The following CATSPERE variants were observed in gnomAD, a reference collection of about 807,000 sequenced individuals.
The protein encoded by CATSPERE is cation channel sperm-associated auxiliary subunit epsilon.
A neutral mutation model predicts 114.1 loss-of-function variants in CATSPERE; 93 were observed. The observed-to-expected ratio is 0.81, with a 90% CI of 0.69 to 0.97. CATSPERE has a LOEUF of 0.97. Ranked by LOEUF, CATSPERE falls within the 50% of genes least tolerant of loss-of-function variation. The pLI is 0.00. For synonymous variants in CATSPERE, 341 were observed against 384.1 expected (o/e 0.89, Z 1.31); for missense variants, 1,058 against 1,131.6 (o/e 0.93, Z 0.93).
intron 10 of CATSPERE, among the ~76,000 whole-genome samples, chr1:244,563,218 T>G (rs1447194147): frequency 2.0e-5 from 3 of 152,226 alleles, no homozygotes; most frequent in Admixed American, 6.5e-5. Context: ...TGTGCTGCAA[T>G]AAACATAGGT....
intron 11 of CATSPERE, among the ~76,000 whole-genome samples, chr1:244,579,969 A>G (rs1176524499): frequency 6.6e-6 from 1 of 152,156 alleles, no homozygotes; most frequent in East Asian, 1.9e-4. Context: ...TACTATATGT[A>G]TGCATTACTA....
chr1:244,554,432 A>G (rs1661267244), intron 9 of CATSPERE, among the ~76,000 whole-genome samples: 1 of 152,182 alleles, frequency 6.6e-6, no homozygotes, highest in African/African-American at 2.4e-5. Context: ...CGGGAGGCCA[A>G]GGTGGGATGA....
At chr1:244,562,280 T>C (rs1662690701) in intron 10 of CATSPERE, among the ~76,000 whole-genome samples, 1 of 152,112 alleles carries the variant, frequency 6.6e-6, no homozygotes, top group South Asian at 2.1e-4. Flanking sequence ...CCATTTTAAC[T>C]GCTGTGTATT....
At chr1:244,592,722 A>G (rs1467983948) in intron 15 of CATSPERE, among the ~76,000 whole-genome samples, 1 of 152,238 alleles carries the variant, frequency 6.6e-6, no homozygotes, top group African/African-American at 2.4e-5. Flanking sequence ...AATGTTTAAT[A>G]GTTGATGAGG....
chr1:244,621,306 A>T (rs55658779), intron 20 of CATSPERE, among the ~76,000 whole-genome samples: 27 of 37,312 alleles, frequency 7.2e-4, no homozygotes, highest in South Asian at 2.2e-3. Context: ...TAAATATATA[A>T]ATATATAAAA....
intron 1 of CATSPERE, among the ~76,000 whole-genome samples, chr1:244,463,511 G>A (rs1246122558): frequency 6.6e-6 from 1 of 151,934 alleles, no homozygotes; most frequent in East Asian, 1.9e-4. Context: ...CTGTACTCCA[G>A]AGCAAGACCC....
In CATSPERE at chr1:244,572,329, G is replaced by T; in HGVS notation, c.1508-1G>T. On this transcript the variant is annotated splice_acceptor_variant, in intron 10 of 21. Transcript: ENST00000366534. LOFTEE classifies it high-confidence loss of function. ...AACACAAACTTTTCTCTTTTTTCCAGATTATTATGGAGATATTTTGGTAAA... is the reference window on the plus strand; with the variant it reads ...AACACAAACTTTTCTCTTTTTTCCATATTATTATGGAGATATTTTGGTAAA... The T allele has an allele frequency of 7.3e-7, 1 of 1,364,148 alleles. No individual in the cohort carries two copies. The highest frequency in any genetic ancestry group is 1.0e-6 in the Non-Finnish European group (1 of 989,248). 84.5% of individuals were successfully genotyped at this position (1,364,148 alleles called of 1,614,324 possible).
intron 6 of CATSPERE, among the ~76,000 whole-genome samples, chr1:244,492,439 A>G (rs1484366966): frequency 8.1e-5 from 12 of 148,380 alleles, no homozygotes; most frequent in Admixed American, 2.7e-4. Context: ...TTGATGGGAC[A>G]TATCTCAAAA....
At chr1:244,492,093 A>G (rs1214691705) in intron 6 of CATSPERE, among the ~76,000 whole-genome samples, 1 of 152,152 alleles carries the variant, frequency 6.6e-6, no homozygotes, top group African/African-American at 2.4e-5. Flanking sequence ...AACTCATTTT[A>G]TGAGGCCAGC....
intron 1 of CATSPERE, 24 bp downstream of exon 1, chr1:244,461,518 G>A: frequency 7.8e-7 from 1 of 1,287,472 alleles, no homozygotes; most frequent in Non-Finnish European, 9.9e-7. Context: ...AGTCGCAGGC[G>A]AGCGACTAGG....
Position 244,560,697 on chromosome 1 carries a change from C to A in CATSPERE, c.1059C>A (p.Val353=). 1 of 1,611,686 alleles carries A rather than the reference C, an allele frequency of 6.2e-7. No individual in the cohort carries two copies. The highest frequency in any genetic ancestry group is 1.1e-5 in the South Asian group (1 of 90,418). ...AAGGAAGAAGAAGCACCTTTGCAGT[C>A]TGGACAGAAAATGAAATTTACCTCG... is the stretch of plus-strand genomic sequence containing the variant. ...KAKGRRSTFA[V]WTENEIYLGS... The change falls in exon 10 of 22, where the codon GTC becomes GTA. Residue 353 remains valine, a synonymous_variant. Coordinates refer to ENST00000366534, the MANE Select transcript of CATSPERE (RefSeq NM_001130957.2).
At chr1:244,451,518 G>A (rs894064904), upstream of CATSPERE, 1 of 1,151,888 alleles carries the variant, frequency 8.7e-7, no homozygotes, top group Admixed American at 2.7e-5. The surrounding 1 kb of genome is among the most constrained non-coding windows in gnomAD (Gnocchi z 6.6). Context: ...AGAGCCTCAA[G>A]GTGACACCTC....
intron 7 of CATSPERE, among the ~76,000 whole-genome samples, chr1:244,511,993 G>C (rs1675841383): frequency 6.6e-6 from 1 of 152,174 alleles, no homozygotes; most frequent in Non-Finnish European, 1.5e-5. Flanking sequence ...CCTTTTGGCA[G>C]TTTGAAATTC....
chr1:244,592,397 T>C (rs1337373684), intron 15 of CATSPERE, among the ~76,000 whole-genome samples: 1 of 152,168 alleles, frequency 6.6e-6, no homozygotes, highest in Non-Finnish European at 1.5e-5. Flanking sequence ...GACTTTTACC[T>C]TTGTAAGATA....
intron 11 of CATSPERE, among the ~76,000 whole-genome samples, chr1:244,574,782 G>T (rs1043279814): frequency 5.9e-5 from 9 of 152,168 alleles, no homozygotes; most frequent in Admixed American, 1.3e-4. Flanking sequence ...ACTGCATCCT[G>T]TTAAGTTTCT....
chr1:244,477,393 A>G (rs1669544430), intron 2 of CATSPERE, 148 bp from the exon 3 acceptor site: 2 of 570,824 alleles, frequency 3.5e-6, no homozygotes, highest in South Asian at 5.2e-5. Flanking sequence ...TTTCTTTGTC[A>G]CATTACTTTG....
intron 13 of CATSPERE, among the ~76,000 whole-genome samples, chr1:244,587,359 G>A (rs1392520600): frequency 1.3e-5 from 2 of 152,192 alleles, no homozygotes; most frequent in Non-Finnish European, 2.9e-5. Flanking sequence ...ATTCTAATGG[G>A]ATTTTATTTG....
chr1:244,583,183 AG>A (rs1280725502), intron 12 of CATSPERE, among the ~76,000 whole-genome samples: 2 of 152,114 alleles, frequency 1.3e-5, no homozygotes, highest in Non-Finnish European at 2.9e-5. Flanking sequence ...AAAATTGCCA[AG>A]GACACTTTTT....
rs967852517 is a variant in CATSPERE at position 244,606,148 on chromosome 1, C to T, written c.2403+354C>T. Among the ~76,000 whole-genome samples the T allele has an allele frequency of 2.0e-5, 3 of 152,162 alleles. No homozygotes were observed. In the East Asian group the frequency reaches 5.8e-4, roughly 29 times the overall value. ...CACTAAGTCAAACGGACACTCTGGGCTTCGTCTCACTTGACTTCCCTGCAT... is the reference window on the plus strand; with the variant it reads ...CACTAAGTCAAACGGACACTCTGGGTTTCGTCTCACTTGACTTCCCTGCAT... On this transcript the variant is annotated intron_variant, in intron 18 of 21. Transcript: ENST00000366534.
Sources: gnomAD v4.1 joint callset for allele counts (sites outside exome capture counted in the v4.1 genomes callset) on GRCh38, gnomAD v4.1.1 for gene constraint, Gnocchi (gnomAD v3.1) non-coding constraint, MANE v1.5 for transcripts, NCBI Gene and HGNC (gene_info 2026-07-23, HGNC 2026-07-21) for gene names.